KIRREL3: variants seen among roughly 807,000 people sequenced by gnomAD.
KIRREL3 encodes the protein kin of IRRE-like protein 3.
KIRREL3 carries 36 observed loss-of-function variants against 89.7 expected under a neutral mutation model. The ratio of observed to expected loss-of-function variants is 0.40; its 90% CI spans 0.31 to 0.53. The LOEUF (loss-of-function observed/expected upper bound fraction) is 0.53. Ranked by LOEUF, KIRREL3 falls within the 20% of genes least tolerant of loss-of-function variation. KIRREL3 has a pLI of 0.49. For synonymous variants in KIRREL3, 445 were observed against 441.4 expected, an observed-to-expected ratio of 1.01 and a Z score of -0.10; for missense variants, 864 against 1,056.6, an observed-to-expected ratio of 0.82 and a Z score of 2.53.
chr11:126,438,701 C>T (rs1168457926), intron 11 of KIRREL3, among the ~76,000 whole-genome samples: 4 of 152,212 alleles, frequency 2.6e-5, no homozygotes, highest in South Asian at 2.1e-4. Flanking sequence ...AATGGGGAGG[C>T]GTAGGTATTA....
rs1943058182 is a variant in KIRREL3, at chr11:126,610,046, T to C, written c.56-47134A>G. The stretch of plus-strand genomic sequence containing the variant: ...TAAATGAGGCCGAAGTCACACATTG[T>C]TTCAGTTACAAAGTTAGGCCTGACC... On this transcript the variant is annotated intron_variant, in intron 1 of 16. Transcript: ENST00000525144. The surrounding 1 kb of genome is among the most constrained non-coding windows in gnomAD (Gnocchi z 4.6). Among the ~76,000 whole-genome samples the C allele has an allele frequency of 6.6e-6, 1 of 152,144 alleles. No individual in the cohort carries two copies. Among genetic ancestry groups the C allele is most frequent in the African/African-American group, 2.4e-5 (1 of 41,422 alleles).
chr11:126,863,141 T>C (rs1407812435), intron 1 of KIRREL3, among the ~76,000 whole-genome samples: 1 of 152,214 alleles, frequency 6.6e-6, no homozygotes, highest in East Asian at 1.9e-4. Flanking sequence ...TTCCCCCACA[T>C]GAAAGTGTGG....
At position 126,860,952 on chromosome 11, in the gene KIRREL3, G is replaced by A. The variant is rs563399954; in HGVS notation, c.55+139503C>T. Among the ~76,000 whole-genome samples, 1 of 152,292 alleles carries A rather than the reference G, an allele frequency of 6.6e-6. No individual in the cohort carries two copies. The highest frequency in any genetic ancestry group is 6.5e-5 in the Admixed American group (1 of 15,298). Reference sequence around the variant, plus strand: ...TACAAAGCCTCTCCTGGTGCTACCAGAGGCAAACAAATTCTCCCTCCTTTG... The same window carrying A: ...TACAAAGCCTCTCCTGGTGCTACCAAAGGCAAACAAATTCTCCCTCCTTTG... On this transcript the variant is annotated intron_variant, in intron 1 of 16. Transcript: ENST00000525144. This position sits in a 1 kb window ranked among gnomAD's most constrained non-coding sequence, Gnocchi z 4.6.
chr11:126,726,396 C>T (rs1405435092), intron 1 of KIRREL3, among the ~76,000 whole-genome samples: 1 of 151,742 alleles, frequency 6.6e-6, no homozygotes, highest in Non-Finnish European at 1.5e-5. Context: ...TAGATGGAGT[C>T]TCCCTCTGTT....
At chr11:126,855,600 A>G (rs1366378806) in intron 1 of KIRREL3, among the ~76,000 whole-genome samples, 1 of 152,236 alleles carries the variant, frequency 6.6e-6, no homozygotes, top group East Asian at 1.9e-4. Flanking sequence ...AAGTAGCATT[A>G]TCATATGTGT....
At position 126,441,532 on chromosome 11, in the gene KIRREL3, T is replaced by C. The variant is rs1955562274; in HGVS notation, c.1253-983A>G. On this transcript the variant is annotated intron_variant, in intron 10 of 16. Transcript: ENST00000525144. This position sits in a 1 kb window ranked among gnomAD's most constrained non-coding sequence, Gnocchi z 5.0. ...GAAGGATGGGAGTAGGGACGGAAAC[T>C]GTCATGCTCCCTTTCCAATCCCTGG... is the stretch of plus-strand genomic sequence containing the variant. Among the ~76,000 whole-genome samples, 3 of 152,326 alleles carry C rather than the reference T, an allele frequency of 2.0e-5. No homozygotes were observed. The South Asian group carries it at 6.2e-4, about 32-fold the overall frequency.
At position 126,523,810 on chromosome 11, in the gene KIRREL3, G is replaced by A. The variant is rs1357787598; in HGVS notation, c.284-2346C>T. Among the ~76,000 whole-genome samples, 12 of 152,162 alleles carry A rather than the reference G, an allele frequency of 7.9e-5. No individual in the cohort carries two copies. The highest frequency in any genetic ancestry group is 2.7e-4 in the African/African-American group (11 of 41,442). The stretch of plus-strand genomic sequence containing the variant: ...TCCTGTGATTAGTCCCTGGTCTCCT[G>A]CAGGCATCTTGGCTGGAGCTTCTGT... On this transcript the variant is annotated intron_variant, in intron 3 of 16. Transcript: ENST00000525144. This position sits in a 1 kb window ranked among gnomAD's most constrained non-coding sequence, Gnocchi z 4.9.
rs77607546 is a variant in KIRREL3 at position 126,977,327 on chromosome 11, G to C, written c.55+23128C>G. Among the ~76,000 whole-genome samples the C allele has an allele frequency of 2.6e-5, 4 of 151,968 alleles. No individual in the cohort carries two copies. Among genetic ancestry groups the C allele is most frequent in the Non-Finnish European group, 5.9e-5 (4 of 68,004 alleles). On this transcript the variant is annotated intron_variant, in intron 1 of 16. Transcript: ENST00000525144. The surrounding 1 kb of genome is among the most constrained non-coding windows in gnomAD (Gnocchi z 4.7). Reference sequence around the variant, plus strand: ...CTTTCCTTCTTCATCAGGATCATTCGTTTGGTGCTGTCAAAACACTGAAGC... The same window carrying C: ...CTTTCCTTCTTCATCAGGATCATTCCTTTGGTGCTGTCAAAACACTGAAGC...
rs1393862046 is a variant in KIRREL3, at chr11:126,579,226, C to T, written c.56-16314G>A. ...GGGCCCCAGGGAGTTCCACCAAGAG[C>T]CTTAGGATTTATCATGTGGGAGGGT... On this transcript the variant is annotated intron_variant, in intron 1 of 16. Transcript: ENST00000525144. The surrounding 1 kb of genome is among the most constrained non-coding windows in gnomAD (Gnocchi z 5.3). Among the ~76,000 whole-genome samples, 1 of 152,110 alleles carries T rather than the reference C, an allele frequency of 6.6e-6. No homozygotes were observed. The highest frequency in any genetic ancestry group is 1.5e-5 in the Non-Finnish European group (1 of 68,012).
At chr11:126,500,252 A>AG (rs2134364137) in intron 4 of KIRREL3, among the ~76,000 whole-genome samples, 1 of 152,300 alleles carries the variant, frequency 6.6e-6, no homozygotes, top group South Asian at 2.1e-4. Context: ...TGACTGACTG[A>AG]GGAGCTGTAT....
rs541030508 is a variant in KIRREL3, at chr11:126,568,020, C to G, written c.56-5108G>C. 6.6e-6 allele frequency among the ~76,000 whole-genome samples: 1 copy of G among 152,252 alleles called. No individual in the cohort carries two copies. Among genetic ancestry groups the G allele is most frequent in the African/African-American group, 2.4e-5 (1 of 41,582 alleles). ...TGCTTGCTGAAGACTAACCCCTTCC[C>G]ACCTGAAGCTAGTAGACTCGAGCAC... is the stretch of plus-strand genomic sequence containing the variant. On this transcript the variant is annotated intron_variant, in intron 1 of 16. Coordinates refer to ENST00000525144, the MANE Select transcript of KIRREL3 (RefSeq NM_032531.4). The surrounding 1 kb of genome is among the most constrained non-coding windows in gnomAD (Gnocchi z 4.6).
chr11:126,709,646 G>A lies in KIRREL3; in HGVS notation c.56-146734C>T, dbSNP rs543451602. Among the ~76,000 whole-genome samples, 1 of 152,288 alleles carries A rather than the reference G, an allele frequency of 6.6e-6. No homozygotes were observed. Among genetic ancestry groups the A allele is most frequent in the Non-Finnish European group, 1.5e-5 (1 of 68,020 alleles). On this transcript the variant is annotated intron_variant, in intron 1 of 16. Transcript: ENST00000525144. The surrounding 1 kb of genome is among the most constrained non-coding windows in gnomAD (Gnocchi z 4.0). Reference sequence around the variant, plus strand: ...AAAATTTGGACACAGAGGTACAGAGGGAAGACCATGTGAAGATGAGGGAAG... The same window carrying A: ...AAAATTTGGACACAGAGGTACAGAGAGAAGACCATGTGAAGATGAGGGAAG...
intron 4 of KIRREL3, among the ~76,000 whole-genome samples, chr11:126,509,989 C>A (rs1335475514): frequency 4.7e-5 from 1 of 21,490 alleles, no homozygotes; most frequent in African/African-American, 2.2e-4. Context: ...AAGACTCCGT[C>A]TCAAAAAAAA....
chr11:126,760,009 G>T (rs1949619978), intron 1 of KIRREL3, among the ~76,000 whole-genome samples: 1 of 152,318 alleles, frequency 6.6e-6, no homozygotes, highest in South Asian at 2.1e-4. Context: ...CAGACAGAAA[G>T]ACCTCTGAGA....
rs182662235 is a variant in KIRREL3, at chr11:126,900,662, A to G, written c.55+99793T>C. On this transcript the variant is annotated intron_variant, in intron 1 of 16. Coordinates refer to ENST00000525144, the MANE Select transcript of KIRREL3 (RefSeq NM_032531.4). This position sits in a 1 kb window ranked among gnomAD's most constrained non-coding sequence, Gnocchi z 4.4. The stretch of plus-strand genomic sequence containing the variant: ...TTTCAGCAAAGCCCAGGCATCTTTT[A>G]AAGTCAAACTTTAAAGTATAATATG... Among the ~76,000 whole-genome samples the G allele has an allele frequency of 1.1e-3, 161 of 152,358 alleles. No individual in the cohort carries two copies. The highest frequency in any genetic ancestry group is 3.4e-3 in the Middle Eastern group (1 of 294).
chr11:126,754,249 C>A lies in KIRREL3; in HGVS notation c.56-191337G>T, dbSNP rs1242792479. On this transcript the variant is annotated intron_variant, in intron 1 of 16. Transcript: ENST00000525144. This position sits in a 1 kb window ranked among gnomAD's most constrained non-coding sequence, Gnocchi z 5.1. ...AAAAGTTTTGCTTTGCATCTGGCTA[C>A]AGATCTAAATTTATTGCATTAGCTT... Among the ~76,000 whole-genome samples, 1 of 152,132 alleles carries A rather than the reference C, an allele frequency of 6.6e-6. No homozygotes were observed. Among genetic ancestry groups the A allele is most frequent in the Non-Finnish European group, 1.5e-5 (1 of 68,024 alleles).
rs957935403 is a variant in KIRREL3, at chr11:126,993,851, C to T, written c.55+6604G>A. Among the ~76,000 whole-genome samples the T allele has an allele frequency of 2.0e-5, 3 of 152,198 alleles. No homozygotes were observed. Among genetic ancestry groups the T allele is most frequent in the South Asian group, 2.1e-4 (1 of 4,832 alleles). On this transcript the variant is annotated intron_variant, in intron 1 of 16. Transcript: ENST00000525144. The surrounding 1 kb of genome is among the most constrained non-coding windows in gnomAD (Gnocchi z 6.1). Reference sequence around the variant, plus strand: ...CGATGTTTGTTTGTTATTGCTGCAACTCTTGGCCTCAGATTTCAGATTCCA... The same window carrying T: ...CGATGTTTGTTTGTTATTGCTGCAATTCTTGGCCTCAGATTTCAGATTCCA...
In KIRREL3 at chr11:126,724,148, A is replaced by G. The variant is rs1270333125; in HGVS notation, c.56-161236T>C. Reference sequence around the variant, plus strand: ...CACCTACCCCAACTGTTCCCACTTGACTTAAGAGACAATGTGGGGAAGAAC... The same window carrying G: ...CACCTACCCCAACTGTTCCCACTTGGCTTAAGAGACAATGTGGGGAAGAAC... On this transcript the variant is annotated intron_variant, in intron 1 of 16. Coordinates refer to ENST00000525144, the MANE Select transcript of KIRREL3 (RefSeq NM_032531.4). The surrounding 1 kb of genome is among the most constrained non-coding windows in gnomAD (Gnocchi z 4.3). Among the ~76,000 whole-genome samples, 2 of 152,152 alleles carry G rather than the reference A, an allele frequency of 1.3e-5. No individual in the cohort carries two copies. Among genetic ancestry groups the G allele is most frequent in the South Asian group, 2.1e-4 (1 of 4,826 alleles).
rs550267591 is a variant in KIRREL3 at position 126,808,367 on chromosome 11, G to A, written c.55+192088C>T. 1.1e-4 allele frequency among the ~76,000 whole-genome samples: 17 copies of A among 152,162 alleles called. No homozygotes were observed. Among genetic ancestry groups the A allele is most frequent in the Non-Finnish European group, 2.1e-4 (14 of 68,026 alleles). On this transcript the variant is annotated intron_variant, in intron 1 of 16. Coordinates refer to ENST00000525144, the MANE Select transcript of KIRREL3 (RefSeq NM_032531.4). This position sits in a 1 kb window ranked among gnomAD's most constrained non-coding sequence, Gnocchi z 4.1. ...TTCAAGGAGTCATTTCAGCAATTTA[G>A]TCCTTGCTCCAGGGCTAACTCCCCC... is the stretch of plus-strand genomic sequence containing the variant.
Sources: allele counts gnomAD v4.1 joint callset (sites outside exome capture counted in the v4.1 genomes callset), GRCh38; gene constraint gnomAD v4.1.1; non-coding constraint Gnocchi (gnomAD v3.1); transcripts MANE v1.5; gene names NCBI Gene and HGNC (gene_info 2026-07-23, HGNC 2026-07-21).